Variants in LYRM4 observed in about 807,000 individuals in gnomAD.
LYRM4 encodes the protein LYR motif containing 4.
LYRM4 carries 9 observed loss-of-function variants against 11.7 expected under a neutral mutation model. That is an observed-to-expected ratio of 0.77 (90% confidence interval 0.46 to 1.34). The LOEUF (loss-of-function observed/expected upper bound fraction) is 1.34. LYRM4 is among the 40% of genes most tolerant of loss of function. The probability of loss-of-function intolerance (pLI) is 0.00; values close to 1 mark genes in which losing one functional copy is unlikely to be tolerated. For missense variants in LYRM4, 133 were observed against 112.5 expected (o/e 1.18, Z -0.82); for synonymous variants, 42 against 40.4 (o/e 1.04, Z -0.15).
At chr6:5,222,303 A>G (rs1364297095) in intron 1 of LYRM4, among the ~76,000 whole-genome samples, 1 of 152,190 alleles carries the variant, frequency 6.6e-6, no homozygotes, top group Admixed American at 6.5e-5. Context: ...AAAACAAAAC[A>G]ATGAAAAAAG....
the LYRM4 span, among the ~76,000 whole-genome samples, chr6:5,078,573 A>T: frequency 4.6e-5 from 7 of 152,172 alleles, no homozygotes; most frequent in Admixed American, 2.6e-4. Flanking sequence ...CTTCGGTTAA[A>T]CACATTATTT....
chr6:5,196,323 C>T (rs939878504), intron 2 of LYRM4, among the ~76,000 whole-genome samples: 2 of 152,216 alleles, frequency 1.3e-5, no homozygotes, highest in Non-Finnish European at 2.9e-5. Context: ...CCTACTGCCT[C>T]TACCTGCTTT....
At chr6:5,237,356 C>T (rs1192572954) in intron 1 of LYRM4, among the ~76,000 whole-genome samples, 2 of 151,804 alleles carry the variant, frequency 1.3e-5, no homozygotes, top group Admixed American at 6.6e-5. Context: ...GAGAATCTAA[C>T]GCCTGAAGAT....
intron 1 of LYRM4, among the ~76,000 whole-genome samples, chr6:5,229,234 G>C (rs918851397): frequency 6.6e-6 from 1 of 152,118 alleles, no homozygotes; most frequent in Non-Finnish European, 1.5e-5. Context: ...AGGTTTGGAA[G>C]TTTGAGAAGA....
chr6:5,035,170 C>G, the LYRM4 span, among the ~76,000 whole-genome samples: 2 of 152,202 alleles, frequency 1.3e-5, no homozygotes, highest in East Asian at 3.9e-4. Flanking sequence ...TTTGCTAGTT[C>G]AGGGTTTGAA....
chr6:5,120,133 G>T lies in LYRM4; in HGVS notation c.208-10642C>A, dbSNP rs1290445774. Among the ~76,000 whole-genome samples, 4 of 152,180 alleles carry T rather than the reference G, an allele frequency of 2.6e-5. No individual in the cohort carries two copies. In the South Asian group the frequency reaches 6.2e-4, roughly 24 times the overall value. Reference sequence around the variant, plus strand: ...GCTGGTCATCATCTCCTGACCTCGGGATCCATCCACCTCGGCCTCCCAAAG... The same window carrying T: ...GCTGGTCATCATCTCCTGACCTCGGTATCCATCCACCTCGGCCTCCCAAAG... On this transcript the variant is annotated intron_variant, in intron 2 of 2. Transcript: ENST00000330636.
chr6:5,046,960 A>T, the LYRM4 span, among the ~76,000 whole-genome samples: 1 of 152,146 alleles, frequency 6.6e-6, no homozygotes, highest in East Asian at 1.9e-4. Context: ...GCATGTTGGC[A>T]CACCTCTGTG....
At chr6:5,159,564 G>A (rs749983771) in intron 2 of LYRM4, among the ~76,000 whole-genome samples, 16 of 152,252 alleles carry the variant, frequency 1.1e-4, no homozygotes, top group East Asian at 9.6e-4. Context: ...GTCCTTTACC[G>A]CCTACATGGC....
chr6:5,169,891 T>G lies in LYRM4; in HGVS notation c.207+46727A>C, dbSNP rs533053977. 9.2e-5 allele frequency among the ~76,000 whole-genome samples: 14 copies of G among 152,292 alleles called. No homozygotes were observed. The East Asian group carries it at 2.5e-3, about 27-fold the overall frequency. On this transcript the variant is annotated intron_variant, in intron 2 of 2. Transcript: ENST00000330636. ...CAACGGTAGGATAACTTGAGAAAGC[T>G]TTCAGAGAGACAAGCGTTTAAAAAG...
chr6:5,110,337 G>A (rs535671182), intron 2 of LYRM4, among the ~76,000 whole-genome samples: 3 of 111,708 alleles, frequency 2.7e-5, no homozygotes, highest in African/African-American at 1.1e-4. Flanking sequence ...CATCCTCATG[G>A]TTTTCCTCCC....
chr6:5,203,826 C>T (rs2127708431), intron 2 of LYRM4, among the ~76,000 whole-genome samples: 1 of 152,370 alleles, frequency 6.6e-6, no homozygotes, highest in East Asian at 1.9e-4. Flanking sequence ...GAACGGACAG[C>T]TGCTCCCTTT....
chr6:5,179,336 C>A (rs191220992), intron 2 of LYRM4, among the ~76,000 whole-genome samples: 3 of 151,982 alleles, frequency 2.0e-5, no homozygotes, highest in African/African-American at 7.3e-5. Flanking sequence ...CTACTATCAC[C>A]CCCATCCAGC....
the LYRM4 span, among the ~76,000 whole-genome samples, chr6:5,057,785 C>T: frequency 4.0e-5 from 6 of 150,324 alleles, no homozygotes; most frequent in Non-Finnish European, 8.9e-5. Context: ...CTTAAAGAGA[C>T]AGGGTCTCTC....
chr6:5,059,324 G>A, the LYRM4 span, among the ~76,000 whole-genome samples: 2 of 141,658 alleles, frequency 1.4e-5, no homozygotes, highest in South Asian at 2.3e-4. Context: ...CCGTGCAACA[G>A]AGCAGCGCCC....
chr6:5,040,541 G>A, the LYRM4 span, among the ~76,000 whole-genome samples: 41 of 148,436 alleles, frequency 2.8e-4, no homozygotes, highest in Non-Finnish European at 2.5e-4. Flanking sequence ...ATCTCTAAAA[G>A]AAAAAAAAAA....
At chr6:5,092,333 G>GT in the LYRM4 span, among the ~76,000 whole-genome samples, 36 of 152,262 alleles carry the variant, frequency 2.4e-4, no homozygotes, top group African/African-American at 8.2e-4. Flanking sequence ...TCTGGTGCAG[G>GT]TGAGGCAGCA....
the LYRM4 span, chr6:5,085,671 G>A: frequency 1.9e-5 from 29 of 1,548,344 alleles, no homozygotes; most frequent in African/African-American, 3.7e-4. Context: ...TGTCCCCGAA[G>A]GAAGAGGCCG....
chr6:5,109,463 TCAGTTGAATA>T lies in LYRM4; in HGVS notation c.226_235del (p.Tyr76ThrfsTer3). ...GTCTCGATTCTCAATGATCAGCTTG[TCAGTTGAATA>T]CAGTTGGCCAATGTGGACCTGAAGG... On this transcript the variant is annotated frameshift_variant, in exon 3 of 3. Coordinates refer to ENST00000330636, the MANE Select transcript of LYRM4 (RefSeq NM_020408.6). LOFTEE classifies it high-confidence loss of function. 6.2e-7 allele frequency: 1 copy of T among 1,614,032 alleles called. No homozygotes were observed. The highest frequency in any genetic ancestry group is 1.7e-4 in the Middle Eastern group (1 of 6,056).
At chr6:5,095,843 G>C in the LYRM4 span, among the ~76,000 whole-genome samples, 3 of 152,094 alleles carry the variant, frequency 2.0e-5, no homozygotes, top group Non-Finnish European at 4.4e-5. Context: ...AGCCAGGCGT[G>C]GTGGCTCACC....
Sources: allele counts gnomAD v4.1 joint callset (sites outside exome capture counted in the v4.1 genomes callset), GRCh38; gene constraint gnomAD v4.1.1; transcripts MANE v1.5; gene names NCBI Gene and HGNC (gene_info 2026-07-23, HGNC 2026-07-21).